The following NEURL1B variants were observed in gnomAD, a reference collection of about 807,000 sequenced individuals.
NEURL1B encodes the protein neuralized E3 ubiquitin protein ligase 1B.
NEURL1B carries 13 observed loss-of-function variants against 37.4 expected under a neutral mutation model. That is an observed-to-expected ratio of 0.35 (90% CI 0.23 to 0.55). NEURL1B has a LOEUF of 0.55. NEURL1B is among the 20% of genes least tolerant of loss of function. The pLI, the probability that NEURL1B is intolerant of heterozygous loss-of-function variation, is 0.89. For missense variants in NEURL1B, 790 were observed against 879.2 expected, an observed-to-expected ratio of 0.90 and a Z score of 1.28; for synonymous variants, 432 against 426.6, an observed-to-expected ratio of 1.01 and a Z score of -0.16.
At position 172,688,763 on chromosome 5, in the gene NEURL1B, T is replaced by C. The variant is rs1348917225; in HGVS notation, c.*1838T>C. On this transcript the variant is annotated 3_prime_UTR_variant, in exon 5 of 5. Transcript: ENST00000369800. The surrounding 1 kb of genome is among the most constrained non-coding windows in gnomAD (Gnocchi z 4.3). Reference sequence around the variant, plus strand: ...TGAGCAGCTTTTGGAACCACAGTGTTTGCCAAGATAAGAGTTTGAGAATCC... The same window carrying C: ...TGAGCAGCTTTTGGAACCACAGTGTCTGCCAAGATAAGAGTTTGAGAATCC... 6.6e-6 allele frequency: 1 copy of C among 152,240 alleles called. No homozygotes were observed. 9.4% of individuals were successfully genotyped at this position (152,240 alleles called of 1,614,324 possible).
chr5:172,666,542 T>C (rs1758019058), intron 1 of NEURL1B, among the ~76,000 whole-genome samples: 1 of 152,138 alleles, frequency 6.6e-6, no homozygotes, highest in South Asian at 2.1e-4. Flanking sequence ...AGTCATCTGA[T>C]TGGCCACCCT....
At chr5:172,650,775 G>T (rs990522379) in intron 1 of NEURL1B, among the ~76,000 whole-genome samples, 1 of 152,212 alleles carries the variant, frequency 6.6e-6, no homozygotes, top group Admixed American at 6.5e-5. Flanking sequence ...TATCCCTGAC[G>T]CACGTGACCC....
intron 1 of NEURL1B, among the ~76,000 whole-genome samples, chr5:172,662,957 T>C (rs886929807): frequency 1.3e-5 from 2 of 150,614 alleles, no homozygotes; most frequent in Admixed American, 6.6e-5. Context: ...CTGGGCATGG[T>C]GGCTCATGCC....
At position 172,683,154 on chromosome 5, in the gene NEURL1B, G is replaced by A. The variant is rs1216843161; in HGVS notation, c.578-265G>A. On this transcript the variant is annotated intron_variant, in intron 2 of 4. Transcript: ENST00000369800. The surrounding 1 kb of genome is among the most constrained non-coding windows in gnomAD (Gnocchi z 5.6). ...ATGGAAGAAGAGAAAGGAGGAGGCA[G>A]GGGAAAAAGGGCCTTATCTGCCGCT... Among the ~76,000 whole-genome samples, 3 of 152,174 alleles carry A rather than the reference G, an allele frequency of 2.0e-5. No homozygotes were observed. Among genetic ancestry groups the A allele is most frequent in the Non-Finnish European group, 4.4e-5 (3 of 68,030 alleles).
intron 1 of NEURL1B, among the ~76,000 whole-genome samples, chr5:172,648,418 C>T (rs993896267): frequency 2.6e-5 from 4 of 152,234 alleles, no homozygotes; most frequent in South Asian, 2.1e-4. Context: ...ACTTGTATCA[C>T]GTAGCCCGTC....
chr5:172,683,297 G>T lies in NEURL1B; in HGVS notation c.578-122G>T. On this transcript the variant is annotated intron_variant, in intron 2 of 4. Coordinates refer to ENST00000369800, the MANE Select transcript of NEURL1B (RefSeq NM_001142651.3). The surrounding 1 kb of genome is among the most constrained non-coding windows in gnomAD (Gnocchi z 5.6). ...GGAGAGTTCGAAGCCGGGGTGGGGTGGGGGCTGCTCGAGGCCCGGGTCGGT... is the reference window on the plus strand; with the variant it reads ...GGAGAGTTCGAAGCCGGGGTGGGGTTGGGGCTGCTCGAGGCCCGGGTCGGT... 1 of 1,136,814 alleles carries T rather than the reference G, an allele frequency of 8.8e-7. No homozygotes were observed. The highest frequency in any genetic ancestry group is 1.1e-6 in the Non-Finnish European group (1 of 897,534). The allele number at this position is 1,136,814 out of a possible 1,614,324, so 70.4% of individuals were successfully genotyped here.
chr5:172,665,292 C>T lies in NEURL1B; in HGVS notation c.32-4493C>T, dbSNP rs1013687506. On this transcript the variant is annotated intron_variant, in intron 1 of 4. Transcript: ENST00000369800. This position sits in a 1 kb window ranked among gnomAD's most constrained non-coding sequence, Gnocchi z 4.1. ...AGCTGAGTGTCGTGCACAAGGCCAC[C>T]GTGAGCGTGGACAGCACAGGCTTCT... Among the ~76,000 whole-genome samples, 2 of 152,220 alleles carry T rather than the reference C, an allele frequency of 1.3e-5. No individual in the cohort carries two copies. The highest frequency in any genetic ancestry group is 2.4e-5 in the African/African-American group (1 of 41,462).
At chr5:172,652,990 A>T (rs1757697025) in intron 1 of NEURL1B, among the ~76,000 whole-genome samples, 1 of 151,702 alleles carries the variant, frequency 6.6e-6, no homozygotes, top group Admixed American at 6.6e-5. Flanking sequence ...TACAAACAGC[A>T]GTCTTGGTGG....
intron 1 of NEURL1B, among the ~76,000 whole-genome samples, chr5:172,643,619 C>T (rs1331479970): frequency 6.6e-6 from 1 of 152,202 alleles, no homozygotes; most frequent in Admixed American, 6.5e-5. Flanking sequence ...TCTTGTATCC[C>T]TGGTTGCCCA....
chr5:172,685,682 A>G (rs1327942711), intron 3 of NEURL1B, among the ~76,000 whole-genome samples: 1 of 152,230 alleles, frequency 6.6e-6, no homozygotes, highest in Non-Finnish European at 1.5e-5. Flanking sequence ...TTTCCAACTC[A>G]AAGCTCTGCT....
chr5:172,677,681 G>A (rs560860753), intron 2 of NEURL1B, among the ~76,000 whole-genome samples: 10 of 151,966 alleles, frequency 6.6e-5, no homozygotes, highest in South Asian at 2.1e-4. Context: ...CCTTCCCCCC[G>A]TGGCCGTGGA....
intron 1 of NEURL1B, among the ~76,000 whole-genome samples, chr5:172,646,780 A>G (rs907475480): frequency 2.6e-5 from 4 of 152,100 alleles, no homozygotes; most frequent in Non-Finnish European, 5.9e-5. Context: ...GAGCCCGTAA[A>G]GAAGAGACAT....
chr5:172,687,025 C>T lies in NEURL1B; in HGVS notation c.*100C>T. ...CTGCCAGGGAGTCCACGGGCAGCGG[C>T]CATCTCTCCAGTGGTGGGCAAGGTG... On this transcript the variant is annotated 3_prime_UTR_variant, in exon 5 of 5. Coordinates refer to ENST00000369800, the MANE Select transcript of NEURL1B (RefSeq NM_001142651.3). The T allele has an allele frequency of 7.4e-7, 1 of 1,360,526 alleles. No homozygotes were observed. Among genetic ancestry groups the T allele is most frequent in the Non-Finnish European group, 9.9e-7 (1 of 1,006,038 alleles). The allele number at this position is 1,360,526 out of a possible 1,614,324, so 84.3% of individuals were successfully genotyped here.
intron 1 of NEURL1B, among the ~76,000 whole-genome samples, chr5:172,645,287 G>C (rs1757539613): frequency 6.6e-6 from 1 of 152,194 alleles, no homozygotes; most frequent in Admixed American, 6.5e-5. Flanking sequence ...TACGTGGACA[G>C]TCTGTAAGTG....
rs1272798834 is a variant in NEURL1B, at chr5:172,686,183, C to T, written c.1310C>T (p.Ser437Phe). Residue 437 changes from serine to phenylalanine, a missense_variant, in exon 4 of 5, where the codon TCC becomes TTC. Ser to Phe is a radical substitution (Grantham distance 155). Transcript: ENST00000369800. The surrounding 1 kb of genome is among the most constrained non-coding windows in gnomAD (Gnocchi z 7.9). ...CTTTGGGCCTCAGGTACCCTGCAGT[C>T]CAGCCCTGCGACCACGACTCCATCA... ...GQLRLLGTLQ[S>F]SPATTTPSGS... 1 of 1,551,672 alleles carries T rather than the reference C, an allele frequency of 6.4e-7. No homozygotes were observed. The highest frequency in any genetic ancestry group is 8.7e-7 in the Non-Finnish European group (1 of 1,146,970).
chr5:172,656,697 C>T lies in NEURL1B; in HGVS notation c.32-13088C>T, dbSNP rs139785005. The T allele has an allele frequency of 1.7e-4, 242 of 1,423,730 alleles. No homozygotes were observed. In the African/African-American group the frequency reaches 2.7e-3, roughly 16 times the overall value. 88.2% of individuals were successfully genotyped at this position (1,423,730 alleles called of 1,614,324 possible). ...CTGTTTCAGTGGCTTCTTCTTGCCA[C>T]CTTCGCGGCCGGACATGGCGCCTGC... On this transcript the variant is annotated intron_variant, in intron 1 of 4. Coordinates refer to ENST00000369800, the MANE Select transcript of NEURL1B (RefSeq NM_001142651.3).
At position 172,686,576 on chromosome 5, in the gene NEURL1B, T is replaced by G; in HGVS notation, c.1424-105T>G. 1 of 1,302,492 alleles carries G rather than the reference T, an allele frequency of 7.7e-7. No individual in the cohort carries two copies. Among genetic ancestry groups the G allele is most frequent in the Non-Finnish European group, 1.0e-6 (1 of 954,702 alleles). 80.7% of individuals were successfully genotyped at this position (1,302,492 alleles called of 1,614,324 possible). ...TCAAATTAGTATCTCCCAAAAGTAT[T>G]CTCCCACCGGTCCCAGCAAGAAGCC... On this transcript the variant is annotated intron_variant, in intron 4 of 4. Transcript: ENST00000369800. This position sits in a 1 kb window ranked among gnomAD's most constrained non-coding sequence, Gnocchi z 7.9.
intron 1 of NEURL1B, among the ~76,000 whole-genome samples, chr5:172,666,110 C>T (rs1758007282): frequency 6.6e-6 from 1 of 152,138 alleles, no homozygotes; most frequent in African/African-American, 2.4e-5. Context: ...TATGGCTCAG[C>T]CCTTCTATCC....
chr5:172,686,176 C>G lies in NEURL1B; in HGVS notation c.1303C>G (p.Leu435Val). 1 of 1,551,658 alleles carries G rather than the reference C, an allele frequency of 6.4e-7. No homozygotes were observed. Among genetic ancestry groups the G allele is most frequent in the Non-Finnish European group, 8.7e-7 (1 of 1,146,966 alleles). Residue 435 changes from leucine (L) to valine (V), a missense_variant, in exon 4 of 5, where the codon CTG becomes GTG. Transcript: ENST00000369800. This position sits in a 1 kb window ranked among gnomAD's most constrained non-coding sequence, Gnocchi z 7.9. ...VAGQLRLLGT[L>V]QSSPATTTPS... Reference sequence around the variant, plus strand: ...GGAATCTCTTTGGGCCTCAGGTACCCTGCAGTCCAGCCCTGCGACCACGAC... The same window carrying G: ...GGAATCTCTTTGGGCCTCAGGTACCGTGCAGTCCAGCCCTGCGACCACGAC...
Sources: allele counts gnomAD v4.1 joint callset (sites outside exome capture counted in the v4.1 genomes callset), GRCh38; gene constraint gnomAD v4.1.1; non-coding constraint Gnocchi (gnomAD v3.1); transcripts MANE v1.5; gene names NCBI Gene and HGNC (gene_info 2026-07-23, HGNC 2026-07-21).